Variants in PLPPR1 observed in about 807,000 individuals in gnomAD.
The protein encoded by PLPPR1 is phospholipid phosphatase related 1, also known as phospholipid phosphatase-related protein type 1.
PLPPR1 carries 10 observed loss-of-function variants against 33.1 expected under a neutral mutation model. The ratio of observed to expected loss-of-function variants is 0.30; its 90% CI spans 0.19 to 0.51. PLPPR1 has a LOEUF of 0.51. PLPPR1 is among the 20% of genes least tolerant of loss of function. The probability of loss-of-function intolerance (pLI) is 0.97; values close to 1 mark genes in which losing one functional copy is unlikely to be tolerated. For synonymous variants in PLPPR1, 151 were observed against 151.0 expected, an observed-to-expected ratio of 1.00 and a Z score of 0.00; for missense variants, 304 against 408.1, an observed-to-expected ratio of 0.74 and a Z score of 2.20.
At chr9:101,304,790 A>G (rs1182633250) in intron 4 of PLPPR1, among the ~76,000 whole-genome samples, 2 of 152,168 alleles carry the variant, frequency 1.3e-5, no homozygotes, top group Non-Finnish European at 2.9e-5. Context: ...CTCAGCTCCA[A>G]GGAACTAGCA....
rs56760066 is a variant in PLPPR1 at position 101,100,697 on chromosome 9, C to CGTGTGTGTGTGT, written c.-46+71620_-46+71631dup. On this transcript the variant is annotated intron_variant, in intron 1 of 7. Transcript: ENST00000374874. ...ATCAGAAACTATTTACTCTTTGTTC[C>CGTGTGTGTGTGT]GTGTGTGTGTGTGTGTGTGTGTGTG... Among the ~76,000 whole-genome samples, 179 of 146,938 alleles carry CGTGTGTGTGTGT rather than the reference C, an allele frequency of 1.2e-3. No individual in the cohort carries two copies. In the East Asian group the frequency reaches 0.014, roughly 12 times the overall value.
chr9:101,317,850 A>T (rs1231192212), intron 7 of PLPPR1, among the ~76,000 whole-genome samples: 1 of 152,246 alleles, frequency 6.6e-6, no homozygotes, highest in Non-Finnish European at 1.5e-5. Context: ...GGAAAGAAAA[A>T]GGTTGTGTTA....
chr9:101,215,847 AC>A (rs1826783379), intron 2 of PLPPR1, among the ~76,000 whole-genome samples: 1 of 152,132 alleles, frequency 6.6e-6, no homozygotes, highest in African/African-American at 2.4e-5. Context: ...TAAATAATAT[AC>A]CATTGTGTAT....
chr9:101,085,179 A>G (rs1830661894), intron 1 of PLPPR1, among the ~76,000 whole-genome samples: 4 of 152,176 alleles, frequency 2.6e-5, no homozygotes, highest in Admixed American at 1.3e-4. Context: ...AAACAGACAC[A>G]AGAGGGAGGG....
At chr9:101,222,440 A>G (rs1826964605) in intron 2 of PLPPR1, among the ~76,000 whole-genome samples, 1 of 152,180 alleles carries the variant, frequency 6.6e-6, no homozygotes, top group African/African-American at 2.4e-5. Context: ...CTTCTGAGAG[A>G]GAGCCTTAAA....
chr9:101,031,001 G>T (rs886456676), intron 1 of PLPPR1, among the ~76,000 whole-genome samples: 1 of 152,102 alleles, frequency 6.6e-6, no homozygotes, highest in Non-Finnish European at 1.5e-5. Context: ...TATTAAAATA[G>T]TTTCGCTTTT....
At chr9:101,106,372 T>C (rs1830970375) in intron 1 of PLPPR1, among the ~76,000 whole-genome samples, 1 of 127,718 alleles carries the variant, frequency 7.8e-6, no homozygotes, top group South Asian at 3.0e-4. Flanking sequence ...AGCATTTGCT[T>C]GTCTATAAAG....
intron 2 of PLPPR1, chr9:101,187,617 C>T (rs982739915): frequency 2.0e-5 from 3 of 151,886 alleles, no homozygotes; most frequent in African/African-American, 7.2e-5. Flanking sequence ...TCATGATTCT[C>T]ATGTATTTCA....
chr9:101,098,614 A>G (rs2987755), intron 1 of PLPPR1, among the ~76,000 whole-genome samples: 64,517 of 151,886 alleles, frequency 0.42, 13,962 homozygotes, highest in Non-Finnish European at 0.47. Flanking sequence ...AGAGAAAGGG[A>G]AATGAAGTCA....
At chr9:101,144,563 A>G (rs982284369) in intron 1 of PLPPR1, among the ~76,000 whole-genome samples, 1 of 152,128 alleles carries the variant, frequency 6.6e-6, no homozygotes, top group Non-Finnish European at 1.5e-5. Context: ...TCTCAACCCA[A>G]GGAGAGAGGT....
chr9:101,146,764 G>A (rs1032671104), intron 1 of PLPPR1, among the ~76,000 whole-genome samples: 1 of 152,176 alleles, frequency 6.6e-6, no homozygotes, highest in African/African-American at 2.4e-5. Context: ...GATGACACAG[G>A]CCATCATCCT....
At chr9:101,234,246 C>G (rs1455498174) in intron 2 of PLPPR1, among the ~76,000 whole-genome samples, 1 of 151,798 alleles carries the variant, frequency 6.6e-6, no homozygotes, top group Non-Finnish European at 1.5e-5. Context: ...ATACACATAC[C>G]CACTCACAAG....
chr9:101,311,386 T>C (rs1828952536), intron 5 of PLPPR1, among the ~76,000 whole-genome samples: 1 of 152,208 alleles, frequency 6.6e-6, no homozygotes, highest in Non-Finnish European at 1.5e-5. Flanking sequence ...ACATGTCAAA[T>C]GCTTTCAGAA....
chr9:101,086,859 G>A (rs1016937846), intron 1 of PLPPR1, among the ~76,000 whole-genome samples: 1 of 152,108 alleles, frequency 6.6e-6, no homozygotes, highest in African/African-American at 2.4e-5. Flanking sequence ...ATTATCTCAT[G>A]AGAAGCAGGT....
chr9:101,223,070 T>C (rs1279682978), intron 2 of PLPPR1, among the ~76,000 whole-genome samples: 1 of 138,728 alleles, frequency 7.2e-6, no homozygotes, highest in African/African-American at 2.8e-5. Context: ...CCCTGTGCTG[T>C]GGGAGACTGA....
At chr9:101,270,986 C>T (rs998113059) in intron 3 of PLPPR1, among the ~76,000 whole-genome samples, 4 of 151,958 alleles carry the variant, frequency 2.6e-5, no homozygotes, top group South Asian at 2.1e-4. Flanking sequence ...ATATTCAGTT[C>T]GAATATTAGT....
At chr9:101,098,140 T>C (rs1436912581) in intron 1 of PLPPR1, among the ~76,000 whole-genome samples, 1 of 152,090 alleles carries the variant, frequency 6.6e-6, no homozygotes, top group African/African-American at 2.4e-5. Context: ...GAGTGGAAGA[T>C]AGATTGGAAA....
At chr9:101,321,263 C>T (rs1304547097) in intron 7 of PLPPR1, among the ~76,000 whole-genome samples, 1 of 152,152 alleles carries the variant, frequency 6.6e-6, no homozygotes, top group Non-Finnish European at 1.5e-5. Flanking sequence ...ATCAGTCACG[C>T]TCGTTTCCCT....
In PLPPR1 at chr9:101,185,546, A is replaced by G. The variant is rs1301352674; in HGVS notation, c.52A>G (p.Ile18Val). 5 of 1,607,218 alleles carry G rather than the reference A, an allele frequency of 3.1e-6. No individual in the cohort carries two copies. The African/African-American group carries it at 6.7e-5, about 22-fold the overall frequency. ...QRSYSIIPCF[I>V]FVELVIMAGT... The stretch of plus-strand genomic sequence containing the variant: ...AAGTTATTCCATCATCCCGTGTTTT[A>G]TATTTGTTGAGGTATGTGTATTTTT... The change falls in exon 2 of 8, where the codon ATA becomes GTA. Residue 18 changes from isoleucine (I) to valine (V), a missense_variant. Coordinates refer to ENST00000374874, the MANE Select transcript of PLPPR1 (RefSeq NM_207299.2).
Sources: allele counts gnomAD v4.1 joint callset (sites outside exome capture counted in the v4.1 genomes callset), GRCh38; gene constraint gnomAD v4.1.1; transcripts MANE v1.5; gene names NCBI Gene and HGNC (gene_info 2026-07-23, HGNC 2026-07-21).